The following AGO2 variants were observed in gnomAD, a reference collection of about 807,000 sequenced individuals.
AGO2 encodes protein argonaute-2.
Under a neutral mutation model 102.3 loss-of-function variants are expected in AGO2, and 5 were observed. The observed-to-expected ratio is 0.05, with a 90% CI of 0.03 to 0.10. The LOEUF is 0.10. Ranked by LOEUF, AGO2 falls within the 10% of genes least tolerant of loss-of-function variation. AGO2 has a pLI of 1.00. For synonymous variants in AGO2, 449 were observed against 473.1 expected (o/e 0.95, Z 0.66); for missense variants, 541 against 1,183.7 (o/e 0.46, Z 7.97).
chr8:140,642,212 A>G, the AGO2 span, among the ~76,000 whole-genome samples: 27,133 of 151,438 alleles, frequency 0.18, 2,943 homozygotes, highest in Admixed American at 0.32. Flanking sequence ...CGCTGGGGAG[A>G]CAGGGAGCGG....
chr8:140,560,826 G>T (rs2073186786), intron 4 of AGO2, among the ~76,000 whole-genome samples: 2 of 152,240 alleles, frequency 1.3e-5, no homozygotes, highest in African/African-American at 4.8e-5. Context: ...TCCTGGCTTT[G>T]CCTCGCCTTA....
chr8:140,594,853 G>GTGTGTGTGTGTGTGTGTT (rs2073802405), intron 1 of AGO2, among the ~76,000 whole-genome samples: 2 of 151,562 alleles, frequency 1.3e-5, no homozygotes, highest in African/African-American at 4.9e-5. Flanking sequence ...GTGTGTGTGT[G>GTGTGTGTGTGTGTGTGTT]TATTTCTCTA....
chr8:140,604,867 G>A (rs1184860703), intron 1 of AGO2, among the ~76,000 whole-genome samples: 1 of 151,838 alleles, frequency 6.6e-6, no homozygotes, highest in South Asian at 2.1e-4. Context: ...GGGAAAACCC[G>A]TGACTGTATT....
At chr8:140,550,587 C>T (rs1272172576) in intron 11 of AGO2, among the ~76,000 whole-genome samples, 1 of 152,176 alleles carries the variant, frequency 6.6e-6, no homozygotes, top group African/African-American at 2.4e-5. Context: ...ATAACACTCC[C>T]AGCCTCTCCA....
At chr8:140,556,380 T>C (rs2132929129) in intron 8 of AGO2, 94 bp from the exon 9 acceptor site, 1 of 1,524,520 alleles carries the variant, frequency 6.6e-7, no homozygotes, top group South Asian at 1.2e-5. Context: ...CTGGCTCTGC[T>C]TGGGACCGTC....
At chr8:140,633,636 G>C (rs151336411) in intron 1 of AGO2, among the ~76,000 whole-genome samples, 1 of 152,344 alleles carries the variant, frequency 6.6e-6, no homozygotes, top group African/African-American at 2.4e-5. Context: ...TGACAAGTAT[G>C]CGGGCAGGTG....
chr8:140,621,391 A>G (rs2074216145), intron 1 of AGO2, among the ~76,000 whole-genome samples: 1 of 152,200 alleles, frequency 6.6e-6, no homozygotes. Flanking sequence ...ACAGACTCAC[A>G]TCTGTGTTCA....
At chr8:140,585,431 A>G (rs1285705777) in intron 1 of AGO2, 120 bp from the exon 2 acceptor site, 1 of 1,113,456 alleles carries the variant, frequency 9.0e-7, no homozygotes, top group African/African-American at 1.6e-5. Flanking sequence ...CGTCCAGGCC[A>G]ATATTGCATT....
chr8:140,562,410 T>C (rs2073217042), intron 4 of AGO2, 43 bp downstream of exon 4: 2 of 1,580,834 alleles, frequency 1.3e-6, no homozygotes, highest in Non-Finnish European at 1.7e-6. Context: ...CCCTCGGAGC[T>C]GCAGGGGAGT....
chr8:140,575,176 G>A (rs1040110732), intron 2 of AGO2, among the ~76,000 whole-genome samples: 5 of 152,142 alleles, frequency 3.3e-5, no homozygotes, highest in Admixed American at 6.5e-5. Flanking sequence ...CCCGAAGGCC[G>A]TCAGCATGGC....
rs573577928 is a variant in AGO2 at position 140,532,955 on chromosome 8, G to A, written c.2272-340C>T. On this transcript the variant is annotated intron_variant, in intron 17 of 18. Transcript: ENST00000220592. ...AGAGGTTGCGGTGAGCCGAGATCAC[G>A]CCACTGCACTCCAGCCTGGGCAACA... Among the ~76,000 whole-genome samples, 52 of 149,016 alleles carry A rather than the reference G, an allele frequency of 3.5e-4. 1 individual carries two copies. The highest frequency in any genetic ancestry group is 2.1e-4 in the Non-Finnish European group (14 of 67,776).
intron 2 of AGO2, among the ~76,000 whole-genome samples, chr8:140,573,445 T>C (rs1255687486): frequency 6.6e-6 from 1 of 152,152 alleles, no homozygotes; most frequent in Non-Finnish European, 1.5e-5. Context: ...TCCCAAATGC[T>C]GGAATTACAG....
chr8:140,546,818 A>G (rs569847517), intron 13 of AGO2, among the ~76,000 whole-genome samples: 12 of 152,326 alleles, frequency 7.9e-5, no homozygotes, highest in Admixed American at 7.2e-4. Flanking sequence ...TTTCTTGCCT[A>G]CATCACAGGT....
intron 18 of AGO2, 99 bp from the exon 19 acceptor site, chr8:140,532,251 G>A: frequency 7.1e-7 from 1 of 1,414,232 alleles, no homozygotes; most frequent in Non-Finnish European, 9.8e-7. Flanking sequence ...GCGGGAACCT[G>A]GGAGAGGGAA....
chr8:140,635,756 G>A (rs1446252627), upstream of AGO2: 1 of 144,266 alleles, frequency 6.9e-6, no homozygotes, highest in Non-Finnish European at 1.5e-5. Context: ...GCGCGCTCGC[G>A]GGGGGAGCGG....
chr8:140,579,180 G>C (rs777405428), intron 2 of AGO2, among the ~76,000 whole-genome samples: 1 of 151,558 alleles, frequency 6.6e-6, no homozygotes, highest in Admixed American at 6.6e-5. Flanking sequence ...CCATCACTGC[G>C]TCACTGCACT....
In AGO2 at chr8:140,549,150, C is replaced by T; in HGVS notation, c.1552G>A (p.Val518Met). The change falls in exon 12 of 19, where the codon GTG (valine) becomes ATG (methionine). Residue 518 changes from valine (V) to methionine (M), a missense_variant. Val to Met is a conservative substitution (Grantham distance 21). Around this residue, in one of 6 missense-constraint regions of AGO2, gnomAD observed 309 missense variants for 735.1 expected, o/e 0.42. Coordinates refer to ENST00000220592, the MANE Select transcript of AGO2 (RefSeq NM_012154.5). ...LKNTYAGLQLVVVILPGKTPV... is the reference protein window; with the variant it reads ...LKNTYAGLQLMVVILPGKTPV... ...GTCTTGCCGGGCAGGATGACCACCA[C>T]CAGCTGCAGGCCCGCATACGTGTTC... 1 of 1,612,218 alleles carries T rather than the reference C, an allele frequency of 6.2e-7. No homozygotes were observed. The highest frequency in any genetic ancestry group is 8.5e-7 in the Non-Finnish European group (1 of 1,179,136).
Position 140,567,537 on chromosome 8 carries a change from T to C in AGO2, c.337-4903A>G, listed in dbSNP as rs114235561. On this transcript the variant is annotated intron_variant, in intron 3 of 18. Transcript: ENST00000220592. This position sits in a 1 kb window ranked among gnomAD's most constrained non-coding sequence, Gnocchi z 5.0. ...TCCTGCACACAAGGGGACAAGCAGGTGGCCCCGCCCACCTCACAGGGCACT... is the reference window on the plus strand; with the variant it reads ...TCCTGCACACAAGGGGACAAGCAGGCGGCCCCGCCCACCTCACAGGGCACT... Among the ~76,000 whole-genome samples the C allele has an allele frequency of 1.3e-5, 2 of 152,222 alleles. No homozygotes were observed. Among genetic ancestry groups the C allele is most frequent in the South Asian group, 2.1e-4 (1 of 4,834 alleles).
chr8:140,570,232 C>T (rs1173894048), intron 3 of AGO2, among the ~76,000 whole-genome samples: 1 of 152,088 alleles, frequency 6.6e-6, no homozygotes, highest in Non-Finnish European at 1.5e-5. Flanking sequence ...TTCTTTTTTC[C>T]TTTGTTTTGG....
Sources: allele counts gnomAD v4.1 joint callset (sites outside exome capture counted in the v4.1 genomes callset), GRCh38; gene constraint gnomAD v4.1.1; regional missense constraint gnomAD v4.1.1; non-coding constraint Gnocchi (gnomAD v3.1); transcripts MANE v1.5; gene names NCBI Gene and HGNC (gene_info 2026-07-23, HGNC 2026-07-21).